The following NLGN2 variants were observed in gnomAD, a reference collection of about 807,000 sequenced individuals.
NLGN2 encodes neuroligin 2.
Under a neutral mutation model 48.6 loss-of-function variants are expected in NLGN2, and 11 were observed. That is an observed-to-expected ratio of 0.23 (90% CI 0.14 to 0.37). The LOEUF is 0.37. Ranked by LOEUF, NLGN2 falls within the 10% of genes least tolerant of loss-of-function variation. The pLI is 1.00. For synonymous variants in NLGN2, 548 were observed against 550.0 expected, an observed-to-expected ratio of 1.00 and a Z score of 0.05; for missense variants, 801 against 1,225.2, an observed-to-expected ratio of 0.65 and a Z score of 5.17.
intron 5 of NLGN2, 54 bp from the exon 6 acceptor site, chr17:7,415,456 CA>C: frequency 1.3e-6 from 2 of 1,519,686 alleles, no homozygotes; most frequent in South Asian, 2.2e-5. Context: ...TAGCAGGCCA[CA>C]GGCCAAGAGG....
At chr17:7,404,904 G>A (rs1212965902), upstream of NLGN2, 1 of 149,068 alleles carries the variant, frequency 6.7e-6, no homozygotes, top group Admixed American at 6.7e-5. Context: ...CTGCTCCGCC[G>A]GCGGATCATC....
At chr17:7,416,173 T>C in intron 6 of NLGN2, 66 bp downstream of exon 6, 1 of 1,310,678 alleles carries the variant, frequency 7.6e-7, no homozygotes, top group Non-Finnish European at 1.1e-6. Context: ...CCGCCGTTCC[T>C]CTGTTAAGGC....
chr17:7,416,376 C>T (rs1907102566), intron 6 of NLGN2, among the ~76,000 whole-genome samples: 1 of 134,616 alleles, frequency 7.4e-6, no homozygotes, highest in Non-Finnish European at 1.8e-5. Context: ...CCCCCCTGCC[C>T]GACCCCCCTA....
Position 7,408,045 on chromosome 17 carries a change from C to G in NLGN2, c.-211C>G. Reference sequence around the variant, plus strand: ...TGCCTTCACCTTCTCCCATTTCCTTCCCCTTCCCCACCCCGTGCCCCCTCC... The same window carrying G: ...TGCCTTCACCTTCTCCCATTTCCTTGCCCTTCCCCACCCCGTGCCCCCTCC... On this transcript the variant is annotated 5_prime_UTR_variant, in exon 1 of 7. Coordinates refer to ENST00000302926, the MANE Select transcript of NLGN2 (RefSeq NM_020795.4). The surrounding 1 kb of genome is among the most constrained non-coding windows in gnomAD (Gnocchi z 7.5). 8.8e-6 allele frequency: 3 copies of G among 339,548 alleles called. No homozygotes were observed. The highest frequency in any genetic ancestry group is 5.3e-6 in the Non-Finnish European group (1 of 190,100). The allele number at this position is 339,548 out of a possible 1,614,324, so 21.0% of individuals were successfully genotyped here.
Position 7,408,216 on chromosome 17 carries a change from G to A in NLGN2, c.-40G>A. On this transcript the variant is annotated 5_prime_UTR_variant, in exon 1 of 7. Coordinates refer to ENST00000302926, the MANE Select transcript of NLGN2 (RefSeq NM_020795.4). The surrounding 1 kb of genome is among the most constrained non-coding windows in gnomAD (Gnocchi z 7.5). ...CCCCCCTTCTCTCTCTCTCCGAGGG[G>A]GGGGGGTCCCAGGGAGGGAGGGGGG... The A allele has an allele frequency of 5.4e-6, 6 of 1,119,436 alleles. No individual in the cohort carries two copies. Among genetic ancestry groups the A allele is most frequent in the Non-Finnish European group, 7.0e-6 (6 of 862,762 alleles). The allele number at this position is 1,119,436 out of a possible 1,614,324, so 69.3% of individuals were successfully genotyped here.
At chr17:7,414,618 G>A (rs941252761) in intron 3 of NLGN2, 45 bp from the exon 4 acceptor site, 1 of 1,612,506 alleles carries the variant, frequency 6.2e-7, no homozygotes, top group Non-Finnish European at 8.5e-7. Flanking sequence ...AGGGGGCAGG[G>A]GCGCTGTGAC....
At position 7,408,244 on chromosome 17, in the gene NLGN2, C is replaced by G; in HGVS notation, c.-12C>G. 1 of 1,266,134 alleles carries G rather than the reference C, an allele frequency of 7.9e-7. No homozygotes were observed. Among genetic ancestry groups the G allele is most frequent in the East Asian group, 3.2e-5 (1 of 31,572 alleles). 78.4% of individuals were successfully genotyped at this position (1,266,134 alleles called of 1,614,324 possible). A position where few individuals can be genotyped will look rare whatever the true frequency, so the allele number is the denominator to read the frequency against. ...GGGGTCCCAGGGAGGGAGGGGGGGTCCCCCGATCAGCATGTGGCTCCTGGC... is the reference window on the plus strand; with the variant it reads ...GGGGTCCCAGGGAGGGAGGGGGGGTGCCCCGATCAGCATGTGGCTCCTGGC... On this transcript the variant is annotated 5_prime_UTR_variant, in exon 1 of 7. Transcript: ENST00000302926. This position sits in a 1 kb window ranked among gnomAD's most constrained non-coding sequence, Gnocchi z 7.5.
chr17:7,411,093 C>T lies in NLGN2; in HGVS notation c.458-1064C>T, dbSNP rs550680427. 7.9e-5 allele frequency among the ~76,000 whole-genome samples: 12 copies of T among 152,374 alleles called. No homozygotes were observed. Among genetic ancestry groups the T allele is most frequent in the South Asian group, 4.1e-4 (2 of 4,834 alleles). Reference sequence around the variant, plus strand: ...GCTCCAGCTCGCCCCTGACCAACCCCGTAATCTGGAAGAAGCCCTGACACT... The same window carrying T: ...GCTCCAGCTCGCCCCTGACCAACCCTGTAATCTGGAAGAAGCCCTGACACT... On this transcript the variant is annotated intron_variant, in intron 1 of 6. Transcript: ENST00000302926. This position sits in a 1 kb window ranked among gnomAD's most constrained non-coding sequence, Gnocchi z 4.5.
In NLGN2 at chr17:7,408,745, T is replaced by C. The variant is rs1906763052; in HGVS notation, c.457+33T>C. The C allele has an allele frequency of 1.2e-6, 2 of 1,611,188 alleles. No individual in the cohort carries two copies. The highest frequency in any genetic ancestry group is 1.7e-6 in the Non-Finnish European group (2 of 1,178,982). On this transcript the variant is annotated intron_variant, in intron 1 of 6. Transcript: ENST00000302926. This position sits in a 1 kb window ranked among gnomAD's most constrained non-coding sequence, Gnocchi z 7.5. ...CGCGGGCACAAAGCCGGGCACCCCG[T>C]GGACACAGCCCACAAACGCACATGC...
In NLGN2 at chr17:7,417,644, C is replaced by T. The variant is rs1362017751; in HGVS notation, c.2353C>T (p.Pro785Ser). 7.1e-7 allele frequency: 1 copy of T among 1,405,536 alleles called. No individual in the cohort carries two copies. Among genetic ancestry groups the T allele is most frequent in the Middle Eastern group, 2.6e-4 (1 of 3,800 alleles). 87.1% of individuals were successfully genotyped at this position (1,405,536 alleles called of 1,614,324 possible). ...RAPDDVPLLA[P>S]GALTLLPSGL... ...ACCGGACGATGTGCCTCTCTTGGCC[C>T]CCGGGGCCCTGACCCTGCTGCCCAG... The change falls in exon 7 of 7, where the codon CCC (proline) becomes TCC (serine). Residue 785 changes from proline (P) to serine (S), a missense_variant. Physicochemically the swap from Pro to Ser is moderately conservative, Grantham distance 74. This residue lies in a region of NLGN2 where 276 missense variants were observed against 313.9 expected (regional missense o/e 0.88). Coordinates refer to ENST00000302926, the MANE Select transcript of NLGN2 (RefSeq NM_020795.4).
At chr17:7,412,299 G>T in intron 2 of NLGN2, 92 bp downstream of exon 2, 1 of 892,634 alleles carries the variant, frequency 1.1e-6, no homozygotes, top group South Asian at 1.4e-5. Context: ...AGCCCTCAAG[G>T]CCCCTCAGTC....
intron 2 of NLGN2, 131 bp downstream of exon 2, chr17:7,412,338 GA>G (rs1906934452): frequency 1.1e-5 from 8 of 724,724 alleles, no homozygotes; most frequent in Non-Finnish European, 1.9e-5. Flanking sequence ...AAAAAGAAAA[GA>G]AAAGAAAAAT....
upstream of NLGN2, among the ~76,000 whole-genome samples, chr17:7,407,217 C>T (rs550452626): frequency 4.6e-5 from 7 of 152,294 alleles, no homozygotes; most frequent in East Asian, 5.8e-4. Context: ...AAAGCTGCAG[C>T]CCGTTGCCGA....
rs767445928 is a variant in NLGN2, at chr17:7,417,142, C to T, written c.1851C>T (p.Thr617=). ...HLHNLHTELF[T]TTTRLPPYAT... Reference sequence around the variant, plus strand: ...ACAACCTGCACACGGAGCTCTTCACCACCACCACGCGCCTGCCTCCCTACG... The same window carrying T: ...ACAACCTGCACACGGAGCTCTTCACTACCACCACGCGCCTGCCTCCCTACG... The change falls in exon 7 of 7, where the codon ACC becomes ACT. Residue 617 remains threonine, a synonymous_variant. Transcript: ENST00000302926. The T allele has an allele frequency of 6.2e-7, 1 of 1,608,322 alleles. No homozygotes were observed. The highest frequency in any genetic ancestry group is 1.1e-5 in the South Asian group (1 of 90,808).
rs903952122 is a variant in NLGN2 at position 7,411,493 on chromosome 17, G to A, written c.458-664G>A. Reference sequence around the variant, plus strand: ...CTGGTGGTGAGGCTGGGTAGCGGGCGGGCAGCCCCAGCTGACCTTCCCATA... The same window carrying A: ...CTGGTGGTGAGGCTGGGTAGCGGGCAGGCAGCCCCAGCTGACCTTCCCATA... On this transcript the variant is annotated intron_variant, in intron 1 of 6. Transcript: ENST00000302926. The surrounding 1 kb of genome is among the most constrained non-coding windows in gnomAD (Gnocchi z 4.5). Among the ~76,000 whole-genome samples, 2 of 152,204 alleles carry A rather than the reference G, an allele frequency of 1.3e-5. No homozygotes were observed. Among genetic ancestry groups the A allele is most frequent in the East Asian group, 3.8e-4 (2 of 5,198 alleles).
In NLGN2 at chr17:7,415,685, C is replaced by A. The variant is rs770829525; in HGVS notation, c.1212C>A (p.Ser404Arg). The A allele has an allele frequency of 5.0e-6, 8 of 1,614,148 alleles. No individual in the cohort carries two copies. The highest frequency in any genetic ancestry group is 2.2e-5 in the East Asian group (1 of 44,900). ...SAESEDGVSA[S>R]AFDFTVSNFV... The stretch of plus-strand genomic sequence containing the variant: ...AGAGCGAGGACGGTGTGTCTGCCAG[C>A]GCCTTTGACTTCACTGTCTCCAACT... The change falls in exon 6 of 7, where the codon AGC (serine) becomes AGA (arginine). Residue 404 changes from serine (S) to arginine (R), a missense_variant. Physicochemically the swap from Ser to Arg is moderately radical, Grantham distance 110. Transcript: ENST00000302926.
At position 7,417,571 on chromosome 17, in the gene NLGN2, T is replaced by C. The variant is rs974588125; in HGVS notation, c.2280T>C (p.Ala760=). ...GCGTCGGGGCGGACCCTGCCGAGGC[T>C]CTGCGCCCTGCCTGCCCGCCCGACT... The part of the protein sequence containing the change: ...GGGVGADPAE[A]LRPACPPDYT... The change falls in exon 7 of 7, where the codon GCT becomes GCC. Residue 760 remains alanine, a synonymous_variant. Transcript: ENST00000302926. The C allele has an allele frequency of 2.9e-5, 41 of 1,436,980 alleles. No homozygotes were observed. Among genetic ancestry groups the C allele is most frequent in the Non-Finnish European group, 3.7e-5 (41 of 1,102,620 alleles). 89.0% of individuals were successfully genotyped at this position (1,436,980 alleles called of 1,614,324 possible).
Position 7,417,300 on chromosome 17 carries a change from G to C in NLGN2, c.2009G>C (p.Arg670Pro), listed in dbSNP as rs1487960148. ...RAYDRFPGDS[R>P]DYSTELSVTV... ...TATGACCGCTTCCCCGGGGACTCAC[G>C]GGACTACTCCACGGAGCTGAGCGTC... Residue 670 changes from arginine (R) to proline (P), a missense_variant, in exon 7 of 7, where the codon CGG becomes CCG. Arg to Pro is a moderately radical substitution (Grantham distance 103). Around this residue, in one of 5 missense-constraint regions of NLGN2, gnomAD observed 276 missense variants for 313.9 expected, o/e 0.88. Transcript: ENST00000302926. 1.9e-6 allele frequency: 3 copies of C among 1,605,146 alleles called. No homozygotes were observed. The highest frequency in any genetic ancestry group is 2.5e-6 in the Non-Finnish European group (3 of 1,177,088).
chr17:7,414,502 G>T lies in NLGN2; in HGVS notation c.658+9G>T. 1.2e-6 allele frequency: 2 copies of T among 1,612,058 alleles called. No homozygotes were observed. Among genetic ancestry groups the T allele is most frequent in the Non-Finnish European group, 1.7e-6 (2 of 1,178,304 alleles). ...CCGTCTTGGGGTGCTCGGTGAGGGT[G>T]GGCAGCCAACTCTGGGGCTCGGGGG... is the stretch of plus-strand genomic sequence containing the variant. On this transcript the variant is annotated intron_variant, in intron 3 of 6. Coordinates refer to ENST00000302926, the MANE Select transcript of NLGN2 (RefSeq NM_020795.4).
Sources: gnomAD v4.1 joint callset for allele counts (sites outside exome capture counted in the v4.1 genomes callset) on GRCh38, gnomAD v4.1.1 for gene constraint, gnomAD v4.1.1 regional missense constraint, Gnocchi (gnomAD v3.1) non-coding constraint, MANE v1.5 for transcripts, NCBI Gene and HGNC (gene_info 2026-07-23, HGNC 2026-07-21) for gene names.